The following CDH20 variants were observed in gnomAD, a reference collection of about 807,000 sequenced individuals.
CDH20 encodes cadherin-20.
In CDH20, 29 loss-of-function variants were observed where a neutral mutation model predicts 74.2. The observed-to-expected ratio is 0.39, with a 90% confidence interval of 0.29 to 0.53. The LOEUF (loss-of-function observed/expected upper bound fraction) is 0.53. CDH20 is among the 20% of genes least tolerant of loss of function. The pLI, the probability that CDH20 is intolerant of heterozygous loss-of-function variation, is 0.69. For synonymous variants in CDH20, 469 were observed against 405.4 expected (o/e 1.16, Z -1.88); for missense variants, 988 against 1,048.3 (o/e 0.94, Z 0.79).
intron 1 of CDH20, among the ~76,000 whole-genome samples, chr18:61,357,816 T>C (rs183091023): frequency 4.5e-4 from 68 of 152,250 alleles, no homozygotes; most frequent in African/African-American, 1.6e-3. Context: ...GGTAAGCAAC[T>C]GGCACAGCTG....
intron 1 of CDH20, among the ~76,000 whole-genome samples, chr18:61,465,809 G>A (rs990267256): frequency 1.3e-4 from 20 of 151,940 alleles, no homozygotes; most frequent in African/African-American, 4.8e-4. Flanking sequence ...ACCAAGATAT[G>A]GAATCTGCTC....
chr18:61,535,696 A>G (rs983489327), intron 7 of CDH20, among the ~76,000 whole-genome samples: 5 of 152,248 alleles, frequency 3.3e-5, no homozygotes, highest in African/African-American at 1.2e-4. Flanking sequence ...CTTTTCTTGC[A>G]TAAAGATGCA....
intron 1 of CDH20, among the ~76,000 whole-genome samples, chr18:61,420,465 A>G (rs1912837386): frequency 6.6e-6 from 1 of 152,008 alleles, no homozygotes; most frequent in Non-Finnish European, 1.5e-5. Context: ...AAATTGTTCA[A>G]TATACTTGCT....
intron 6 of CDH20, among the ~76,000 whole-genome samples, chr18:61,517,131 A>C (rs572539289): frequency 3.5e-4 from 53 of 152,296 alleles, no homozygotes; most frequent in African/African-American, 1.3e-3. Context: ...AAATGTAAAA[A>C]CCTAAAGCTA....
intron 1 of CDH20, among the ~76,000 whole-genome samples, chr18:61,471,433 T>C (rs1019872388): frequency 6.6e-6 from 1 of 152,228 alleles, no homozygotes; most frequent in African/African-American, 2.4e-5. Flanking sequence ...GGATAAGTAA[T>C]ATAATGAACT....
intron 1 of CDH20, among the ~76,000 whole-genome samples, chr18:61,396,933 T>C (rs1434868550): frequency 6.6e-6 from 1 of 152,174 alleles, no homozygotes; most frequent in Non-Finnish European, 1.5e-5. Context: ...CTCATTGCTG[T>C]CTGTTTATCC....
intron 1 of CDH20, among the ~76,000 whole-genome samples, chr18:61,391,897 C>T (rs2144205076): frequency 6.6e-6 from 1 of 152,172 alleles, no homozygotes; most frequent in East Asian, 1.9e-4. Flanking sequence ...TATTTCTTGA[C>T]CCAATCCCCT....
At chr18:61,549,043 G>C (rs1301682781) in intron 10 of CDH20, among the ~76,000 whole-genome samples, 1 of 152,156 alleles carries the variant, frequency 6.6e-6, no homozygotes, top group Non-Finnish European at 1.5e-5. Context: ...TATTAGCTTT[G>C]AGAATCACTT....
intron 1 of CDH20, among the ~76,000 whole-genome samples, chr18:61,459,661 C>G (rs1238816165): frequency 6.6e-6 from 1 of 152,116 alleles, no homozygotes; most frequent in African/African-American, 2.4e-5. Flanking sequence ...TCAGGCCCCA[C>G]CCCGGGGTGA....
At position 61,367,184 on chromosome 18, in the gene CDH20, G is replaced by A. The variant is rs374062888; in HGVS notation, c.-153+33357G>A. Among the ~76,000 whole-genome samples the A allele has an allele frequency of 1.8e-4, 28 of 152,236 alleles. 1 individual carries two copies. The South Asian group carries it at 5.8e-3, about 32-fold the overall frequency. On this transcript the variant is annotated intron_variant, in intron 1 of 11. Transcript: ENST00000262717. ...AGTTTGCCAATTCTTAAGAAAGTAA[G>A]AAGAGAAGCACGGCAAGTTCCTTTA...
intron 1 of CDH20, among the ~76,000 whole-genome samples, chr18:61,458,283 G>T (rs1265755572): frequency 6.6e-6 from 1 of 152,080 alleles, no homozygotes; most frequent in Non-Finnish European, 1.5e-5. Flanking sequence ...AGGAATAGTG[G>T]AACATTCTAA....
chr18:61,335,289 C>T (rs1909720770), intron 1 of CDH20, among the ~76,000 whole-genome samples: 1 of 152,180 alleles, frequency 6.6e-6, no homozygotes, highest in Non-Finnish European at 1.5e-5. Flanking sequence ...GGTCCTGACA[C>T]TGGAGGAATC....
intron 1 of CDH20, among the ~76,000 whole-genome samples, chr18:61,355,076 G>A (rs1000006175): frequency 9.9e-5 from 15 of 152,186 alleles, no homozygotes; most frequent in Admixed American, 9.8e-4. Context: ...CATCACTGGA[G>A]CCCTTCCTCC....
intron 1 of CDH20, among the ~76,000 whole-genome samples, chr18:61,416,599 A>T (rs1442175621): frequency 1.3e-5 from 2 of 152,220 alleles, no homozygotes; most frequent in Non-Finnish European, 2.9e-5. Context: ...AGAAGGAAAA[A>T]TGGGCCTAGG....
intron 1 of CDH20, among the ~76,000 whole-genome samples, chr18:61,455,038 C>T (rs952277124): frequency 2.0e-5 from 3 of 152,146 alleles, no homozygotes; most frequent in Admixed American, 6.5e-5. Flanking sequence ...GGAATTTGGA[C>T]TCATCGATAC....
At chr18:61,393,459 C>G (rs769563613) in intron 1 of CDH20, among the ~76,000 whole-genome samples, 3 of 152,198 alleles carry the variant, frequency 2.0e-5, no homozygotes, top group Non-Finnish European at 2.9e-5. Flanking sequence ...AGGTAGGCTA[C>G]TCTTACCTCA....
intron 2 of CDH20, among the ~76,000 whole-genome samples, chr18:61,493,886 G>A (rs28482978): frequency 0.16 from 23,596 of 152,114 alleles, 1,882 homozygotes; most frequent in African/African-American, 0.2. Context: ...CTCCTCCCAA[G>A]GGTAGAAATT....
intron 2 of CDH20, among the ~76,000 whole-genome samples, chr18:61,493,265 C>A (rs374550580): frequency 2.0e-5 from 3 of 152,118 alleles, no homozygotes; most frequent in Non-Finnish European, 2.9e-5. Flanking sequence ...TCTCTAGGCT[C>A]GGTCATGACC....
chr18:61,534,545 C>A (rs148881690), intron 7 of CDH20, among the ~76,000 whole-genome samples: 4 of 152,182 alleles, frequency 2.6e-5, no homozygotes, highest in African/African-American at 9.6e-5. Context: ...ATATTCGTTT[C>A]AGCCTTAAAT....
Sources: gnomAD v4.1 joint callset for allele counts (sites outside exome capture counted in the v4.1 genomes callset) on GRCh38, gnomAD v4.1.1 for gene constraint, MANE v1.5 for transcripts, NCBI Gene and HGNC (gene_info 2026-07-23, HGNC 2026-07-21) for gene names.